The following MYT1L variants were observed in gnomAD, a reference collection of about 807,000 sequenced individuals.
MYT1L encodes myelin transcription factor 1-like protein.
A neutral mutation model predicts 126.7 loss-of-function variants in MYT1L; 12 were observed. The ratio of observed to expected loss-of-function variants is 0.09; its 90% CI spans 0.06 to 0.15. The LOEUF (loss-of-function observed/expected upper bound fraction) is 0.15. Ranked by LOEUF, MYT1L falls within the 10% of genes least tolerant of loss-of-function variation. MYT1L has a pLI of 1.00. For missense variants in MYT1L, 979 were observed against 1,585.2 expected, an observed-to-expected ratio of 0.62 and a Z score of 6.49; for synonymous variants, 541 against 604.2, an observed-to-expected ratio of 0.90 and a Z score of 1.53.
At position 2,114,997 on chromosome 2, in the gene MYT1L, T is replaced by G. The variant is rs554109026; in HGVS notation, c.-304+57875A>C. 4.6e-5 allele frequency among the ~76,000 whole-genome samples: 7 copies of G among 152,334 alleles called. No individual in the cohort carries two copies. In the East Asian group the frequency reaches 1.4e-3, roughly 29 times the overall value. On this transcript the variant is annotated intron_variant, in intron 3 of 24. Coordinates refer to ENST00000647738, the MANE Select transcript of MYT1L (RefSeq NM_001303052.2). ...TAGCATCTCACAGACTGTTTTCTGT[T>G]CGTCATACACAGCAGAGCGTTCAGG...
chr2:1,978,506 A>T (rs993636951), intron 8 of MYT1L, among the ~76,000 whole-genome samples: 1 of 152,198 alleles, frequency 6.6e-6, no homozygotes, highest in Non-Finnish European at 1.5e-5. Flanking sequence ...GTAACATATA[A>T]TTCTGCCATG....
At chr2:1,896,755 G>A (rs1001807508) in intron 14 of MYT1L, among the ~76,000 whole-genome samples, 4 of 152,000 alleles carry the variant, frequency 2.6e-5, no homozygotes, top group African/African-American at 4.8e-5. Flanking sequence ...CAATATGCCC[G>A]TGTAATGAAC....
At chr2:1,861,459 T>C (rs151332639) in intron 18 of MYT1L, among the ~76,000 whole-genome samples, 1 of 152,190 alleles carries the variant, frequency 6.6e-6, no homozygotes, top group East Asian at 1.9e-4. Context: ...TTTACATTCG[T>C]GTTATTTTTG....
chr2:1,846,254 A>G (rs6724368), intron 19 of MYT1L, among the ~76,000 whole-genome samples: 73,590 of 152,074 alleles, frequency 0.48, 19,994 homozygotes, highest in African/African-American at 0.74. Context: ...GGCTAGGAAC[A>G]CCTTAGTTAT....
At chr2:2,032,040 C>A (rs1179793506) in intron 4 of MYT1L, among the ~76,000 whole-genome samples, 7 of 139,524 alleles carry the variant, frequency 5.0e-5, no homozygotes, top group Admixed American at 1.4e-4. Context: ...CACCCCTCGC[C>A]AGTACCTCTC....
chr2:2,142,130 C>T (rs1037168217), intron 3 of MYT1L, among the ~76,000 whole-genome samples: 2 of 152,256 alleles, frequency 1.3e-5, no homozygotes, highest in Admixed American at 6.5e-5. Flanking sequence ...CAAAATTACA[C>T]GGCTGTTGTC....
chr2:2,164,602 C>A (rs746826749), intron 3 of MYT1L, among the ~76,000 whole-genome samples: 19 of 152,164 alleles, frequency 1.2e-4, no homozygotes, highest in Non-Finnish European at 2.6e-4. Context: ...CATAGGGTAG[C>A]CACCCCAGAT....
At chr2:2,031,753 G>A (rs1339622118) in intron 4 of MYT1L, among the ~76,000 whole-genome samples, 4 of 82,238 alleles carry the variant, frequency 4.9e-5, no homozygotes, top group South Asian at 4.4e-4. Context: ...GAGCAGATTC[G>A]AGAAGGAGGG....
chr2:1,895,234 A>C (rs944964661), intron 14 of MYT1L, among the ~76,000 whole-genome samples: 3 of 152,232 alleles, frequency 2.0e-5, no homozygotes, highest in Non-Finnish European at 4.4e-5. Flanking sequence ...AAAATGTCTC[A>C]TGTTCATGAA....
intron 3 of MYT1L, among the ~76,000 whole-genome samples, chr2:2,168,267 A>AG (rs1259489709): frequency 1.3e-5 from 2 of 152,194 alleles, no homozygotes; most frequent in African/African-American, 4.8e-5. Context: ...TTGTGTGATG[A>AG]GGGTGTGCAT....
At chr2:1,982,783 G>A (rs2060705096) in intron 5 of MYT1L, among the ~76,000 whole-genome samples, 1 of 152,158 alleles carries the variant, frequency 6.6e-6, no homozygotes, top group East Asian at 1.9e-4. Flanking sequence ...GTCACACTCA[G>A]TCATCACCCA....
At chr2:2,235,698 A>G (rs1027821135) in intron 2 of MYT1L, among the ~76,000 whole-genome samples, 2 of 152,160 alleles carry the variant, frequency 1.3e-5, no homozygotes, top group Non-Finnish European at 2.9e-5. Context: ...CACACACTGT[A>G]CACTGAAATA....
chr2:2,116,856 G>A lies in MYT1L; in HGVS notation c.-304+56016C>T, dbSNP rs376925537. ...CTCACCTGGCTCCACTTCAAGGCCC[G>A]GGGGCCAGACCTGAGCACTGGAGCC... On this transcript the variant is annotated intron_variant, in intron 3 of 24. Transcript: ENST00000647738. Among the ~76,000 whole-genome samples the A allele has an allele frequency of 2.0e-4, 30 of 152,336 alleles. No individual in the cohort carries two copies. The South Asian group carries it at 3.3e-3, about 17-fold the overall frequency.
In MYT1L at chr2:1,838,929, T is replaced by C. The variant is rs531798158; in HGVS notation, c.3080+220A>G. 7.6e-4 allele frequency among the ~76,000 whole-genome samples: 116 copies of C among 152,320 alleles called. 2 individuals carry two copies. The South Asian group carries it at 0.017, about 23-fold the overall frequency. ...GAAAACTGCTGTGGTCATCTATAGA[T>C]GGGGCTGAGGGAGGCTGGGCTCCCT... On this transcript the variant is annotated intron_variant, in intron 21 of 24. Transcript: ENST00000647738.
chr2:1,809,119 A>C lies in MYT1L; in HGVS notation c.3129T>G (p.Leu1043=). The C allele has an allele frequency of 6.2e-7, 1 of 1,613,942 alleles. No homozygotes were observed. Among genetic ancestry groups the C allele is most frequent in the Non-Finnish European group, 8.5e-7 (1 of 1,179,882 alleles). The part of the protein sequence containing the change: ...RATSAMKKAK[L]SGEQMLTIKQ... ...TGATGGTCAGCATCTGCTCTCCAGA[A>C]AGCTTTGCCTTCTTCATCGCTGACG... is the stretch of plus-strand genomic sequence containing the variant. Residue 1043 remains leucine (L), a synonymous_variant, in exon 22 of 25, where the codon CTT becomes CTG. Coordinates refer to ENST00000647738, the MANE Select transcript of MYT1L (RefSeq NM_001303052.2).
intron 2 of MYT1L, among the ~76,000 whole-genome samples, chr2:2,220,515 A>G (rs947230436): frequency 1.3e-5 from 2 of 152,148 alleles, no homozygotes; most frequent in African/African-American, 2.4e-5. Context: ...ATTGTTTCCT[A>G]TTCAGACCTT....
At chr2:2,180,130 T>C (rs2091251467) in intron 2 of MYT1L, among the ~76,000 whole-genome samples, 1 of 152,138 alleles carries the variant, frequency 6.6e-6, no homozygotes, top group Non-Finnish European at 1.5e-5. Context: ...TGTTCATTTT[T>C]GTATTACCAG....
At chr2:2,037,822 C>T (rs773118147) in intron 4 of MYT1L, among the ~76,000 whole-genome samples, 7 of 151,314 alleles carry the variant, frequency 4.6e-5, no homozygotes, top group Non-Finnish European at 1.0e-4. Context: ...AAACCCCCTA[C>T]ACACTTCAAA....
chr2:2,225,997 G>A (rs7607555), intron 2 of MYT1L, among the ~76,000 whole-genome samples: 90,550 of 151,958 alleles, frequency 0.6, 28,014 homozygotes, highest in East Asian at 0.76. Flanking sequence ...GGCTCCAGAC[G>A]CTAACTCCTA....
Sources: allele counts gnomAD v4.1 joint callset (sites outside exome capture counted in the v4.1 genomes callset), GRCh38; gene constraint gnomAD v4.1.1; transcripts MANE v1.5; gene names NCBI Gene and HGNC (gene_info 2026-07-23, HGNC 2026-07-21).